RYR2: variants seen among roughly 807,000 people sequenced by gnomAD.
RYR2 encodes the protein cardiac muscle ryanodine receptor-calcium release channel.
RYR2 carries 227 observed loss-of-function variants against 601.1 expected under a neutral mutation model. The observed-to-expected ratio is 0.38, with a 90% CI of 0.34 to 0.42. The LOEUF is 0.42. Ranked by LOEUF, RYR2 falls within the 10% of genes least tolerant of loss-of-function variation. The pLI, the probability that RYR2 is intolerant of heterozygous loss-of-function variation, is 1.00. For synonymous variants in RYR2, 2,223 were observed against 2,175.1 expected, an observed-to-expected ratio of 1.02 and a Z score of -0.61; for missense variants, 4,646 against 6,156.5, an observed-to-expected ratio of 0.75 and a Z score of 8.21.
At position 237,550,705 on chromosome 1, in the gene RYR2, A is replaced by G; in HGVS notation, c.3214+14A>G. Reference sequence around the variant, plus strand: ...ATCAAGATCATGGTATTTTGGTTTTACTTTCCTCTTCTTCGGTTGCAAGAT... The same window carrying G: ...ATCAAGATCATGGTATTTTGGTTTTGCTTTCCTCTTCTTCGGTTGCAAGAT... On this transcript the variant is annotated intron_variant, in intron 27 of 104. Transcript: ENST00000366574. 6.5e-7 allele frequency: 1 copy of G among 1,537,940 alleles called. No individual in the cohort carries two copies. Among genetic ancestry groups the G allele is most frequent in the Non-Finnish European group, 8.8e-7 (1 of 1,141,812 alleles).
chr1:237,360,309 T>C (rs1038720696), intron 4 of RYR2, among the ~76,000 whole-genome samples: 1 of 152,186 alleles, frequency 6.6e-6, no homozygotes, highest in Non-Finnish European at 1.5e-5. Context: ...TAGAAATCAA[T>C]GTGTTGCTTT....
intron 62 of RYR2, among the ~76,000 whole-genome samples, chr1:237,683,644 T>G (rs1411497958): frequency 6.6e-6 from 1 of 152,196 alleles, no homozygotes; most frequent in Admixed American, 6.5e-5. Context: ...TAATGGATAT[T>G]AACTGTCAGA....
intron 2 of RYR2, among the ~76,000 whole-genome samples, chr1:237,325,375 T>G (rs1696048894): frequency 6.6e-6 from 1 of 152,224 alleles, no homozygotes; most frequent in South Asian, 2.1e-4. Context: ...ACATAGCATA[T>G]GTATACATGT....
chr1:237,831,486 T>C (rs752469974), intron 103 of RYR2, 28 bp from the exon 104 acceptor site: 1 of 1,312,446 alleles, frequency 7.6e-7, no homozygotes. Context: ...ATACCGTTCA[T>C]TTCTGATCAG....
chr1:237,831,563 C>A lies in RYR2; in HGVS notation c.14806C>A (p.Gln4936Lys). The A allele has an allele frequency of 6.5e-7, 1 of 1,545,210 alleles. No individual in the cohort carries two copies. The highest frequency in any genetic ancestry group is 8.9e-7 in the Non-Finnish European group (1 of 1,124,750). Reference protein sequence around the residue: ...INKDETEHTGQESYVWKMYQE... With the variant: ...INKDETEHTGKESYVWKMYQE... The stretch of plus-strand genomic sequence containing the variant: ...CAAAGATGAAACAGAACACACAGGA[C>A]AGGTAGGTAAATTATTACATGTCAT... Residue 4936 changes from glutamine (Q) to lysine (K), a missense_variant and splice_region_variant, in exon 104 of 105, where the codon CAG becomes AAG. By Grantham distance (53) the Gln-to-Lys change is moderately conservative. Around this residue, in one of 17 missense-constraint regions of RYR2, gnomAD observed 55 missense variants for 204.7 expected, o/e 0.27. Coordinates refer to ENST00000366574, the MANE Select transcript of RYR2 (RefSeq NM_001035.3).
intron 79 of RYR2, among the ~76,000 whole-genome samples, chr1:237,735,410 G>C (rs914754653): frequency 1.3e-5 from 2 of 152,186 alleles, no homozygotes; most frequent in Non-Finnish European, 2.9e-5. Flanking sequence ...TGTTTTTAAA[G>C]AGAGAGCCAT....
chr1:237,540,772 A>C (rs1379385722), intron 25 of RYR2, among the ~76,000 whole-genome samples: 1 of 151,878 alleles, frequency 6.6e-6, no homozygotes, highest in African/African-American at 2.4e-5. Flanking sequence ...AACTACTGCT[A>C]GGTTTTCTGC....
chr1:237,083,313 C>T (rs572034617), intron 1 of RYR2, among the ~76,000 whole-genome samples: 3 of 152,234 alleles, frequency 2.0e-5, no homozygotes, highest in African/African-American at 7.2e-5. Context: ...GATGAAAAGC[C>T]CGTGGAATCC....
intron 58 of RYR2, among the ~76,000 whole-genome samples, chr1:237,669,788 G>A (rs1294393704): frequency 4.0e-5 from 6 of 149,222 alleles, no homozygotes; most frequent in African/African-American, 1.2e-4. Flanking sequence ...GGGCAGAGAC[G>A]CTCCTCACTT....
intron 28 of RYR2, among the ~76,000 whole-genome samples, chr1:237,567,750 A>G (rs1433358224): frequency 6.6e-6 from 1 of 150,658 alleles, no homozygotes; most frequent in Non-Finnish European, 1.5e-5. Context: ...CATGAGGGGG[A>G]AAAAGCTACT....
At chr1:237,449,091 C>T (rs1270580520) in intron 14 of RYR2, among the ~76,000 whole-genome samples, 2 of 152,120 alleles carry the variant, frequency 1.3e-5, no homozygotes, top group Admixed American at 6.6e-5. Context: ...CACCCTTACA[C>T]GGGAGCGTGA....
At chr1:237,526,738 G>A (rs1667629865) in intron 24 of RYR2, among the ~76,000 whole-genome samples, 1 of 152,056 alleles carries the variant, frequency 6.6e-6, no homozygotes, top group Non-Finnish European at 1.5e-5. Context: ...TTCATTGGGG[G>A]CATAATTTGA....
At position 237,530,462 on chromosome 1, in the gene RYR2, C is replaced by T; in HGVS notation, c.2858C>T (p.Ser953Leu). The change falls in exon 25 of 105, where the codon TCA becomes TTA. Residue 953 changes from serine (S) to leucine (L), a missense_variant. This residue lies in a region of RYR2 where 1,807 missense variants were observed against 2,088.1 expected (regional missense o/e 0.87). Transcript: ENST00000366574. ...LLALGCHVGI[S>L]DEHAEDKVKK... Reference sequence around the variant, plus strand: ...GCATTAGGATGTCATGTGGGTATATCAGATGAACATGCTGAAGACAAGGTG... The same window carrying T: ...GCATTAGGATGTCATGTGGGTATATTAGATGAACATGCTGAAGACAAGGTG... 2 of 1,609,428 alleles carry T rather than the reference C, an allele frequency of 1.2e-6. No homozygotes were observed. The highest frequency in any genetic ancestry group is 2.2e-5 in the South Asian group (2 of 89,740).
In RYR2 at chr1:237,801,947, T is replaced by G. The variant is rs529340435; in HGVS notation, c.14151+31T>G. 2.2e-4 allele frequency: 300 copies of G among 1,368,070 alleles called. 1 individual carries two copies. The South Asian group carries it at 3.3e-3, about 15-fold the overall frequency. The allele number at this position is 1,368,070 out of a possible 1,614,324, so 84.7% of individuals were successfully genotyped here. A position where few individuals can be genotyped will look rare whatever the true frequency, so the allele number is the denominator to read the frequency against. ...CCTACTTCATTATCACAAAAGAAAA[T>G]GCACTCTGATTAGATAAGACTGTGG... On this transcript the variant is annotated intron_variant, in intron 98 of 104. Transcript: ENST00000366574.
intron 1 of RYR2, among the ~76,000 whole-genome samples, chr1:237,221,542 G>A (rs1683802166): frequency 6.6e-6 from 1 of 152,186 alleles, no homozygotes; most frequent in Non-Finnish European, 1.5e-5. Flanking sequence ...AAAACACGGG[G>A]AAATTTCAGG....
chr1:237,128,163 A>G (rs1671742921), intron 1 of RYR2, among the ~76,000 whole-genome samples: 1 of 152,190 alleles, frequency 6.6e-6, no homozygotes, highest in East Asian at 1.9e-4. Flanking sequence ...CTGGCGGATC[A>G]CTTGCGGTTA....
chr1:237,717,524 A>T (rs1394503454), intron 72 of RYR2, among the ~76,000 whole-genome samples, 156 bp downstream of exon 72: 1 of 152,148 alleles, frequency 6.6e-6, no homozygotes, highest in Non-Finnish European at 1.5e-5. Context: ...AAACATAAAG[A>T]CTGCTCTTTT....
At chr1:237,811,537 A>G (rs907300484) in intron 100 of RYR2, among the ~76,000 whole-genome samples, 3 of 147,072 alleles carry the variant, frequency 2.0e-5, no homozygotes, top group Non-Finnish European at 4.4e-5. Flanking sequence ...TCTTTTTAAT[A>G]AAAAAAATCT....
At position 237,784,051 on chromosome 1, in the gene RYR2, C is replaced by T; in HGVS notation, c.12339C>T (p.Thr4113=). ...TCTCTGAGCACATGCCCAACGATACCCGACTTCAGACTTTTCTGGAATTAG... is the reference window on the plus strand; with the variant it reads ...TCTCTGAGCACATGCCCAACGATACTCGACTTCAGACTTTTCTGGAATTAG... ...TNLSEHMPND[T]RLQTFLELAE... Residue 4113 remains threonine, a synonymous_variant, in exon 90 of 105, where the codon ACC becomes ACT. Transcript: ENST00000366574. This position sits in a 1 kb window ranked among gnomAD's most constrained non-coding sequence, Gnocchi z 7.1. The T allele has an allele frequency of 6.2e-7, 1 of 1,613,992 alleles. No individual in the cohort carries two copies. The highest frequency in any genetic ancestry group is 8.5e-7 in the Non-Finnish European group (1 of 1,179,888).
Sources: allele counts gnomAD v4.1 joint callset (sites outside exome capture counted in the v4.1 genomes callset), GRCh38; gene constraint gnomAD v4.1.1; regional missense constraint gnomAD v4.1.1; non-coding constraint Gnocchi (gnomAD v3.1); transcripts MANE v1.5; gene names NCBI Gene and HGNC (gene_info 2026-07-23, HGNC 2026-07-21).